Variants in RYR3 observed in about 807,000 individuals in gnomAD.
RYR3 encodes ryanodine receptor 3.
Under a neutral mutation model 584.3 loss-of-function variants are expected in RYR3, and 207 were observed. The ratio of observed to expected loss-of-function variants is 0.35; its 90% confidence interval spans 0.32 to 0.40. The LOEUF is 0.40. RYR3 is among the 10% of genes least tolerant of loss of function. The pLI, the probability that RYR3 is intolerant of heterozygous loss-of-function variation, is 1.00. For missense variants in RYR3, 5,616 were observed against 6,089.2 expected, an observed-to-expected ratio of 0.92 and a Z score of 2.59; for synonymous variants, 2,416 against 2,248.5, an observed-to-expected ratio of 1.07 and a Z score of -2.11.
intron 1 of RYR3, among the ~76,000 whole-genome samples, chr15:33,349,026 CT>C (rs77947685): frequency 0.079 from 11,825 of 150,384 alleles, 544 homozygotes; most frequent in Middle Eastern, 0.12. Flanking sequence ...CAGTAGGTAG[CT>C]TTTTCAGACT....
chr15:33,701,029 G>T lies in RYR3; in HGVS notation c.6432G>T (p.Val2144=), dbSNP rs1385755135. The T allele has an allele frequency of 6.2e-7, 1 of 1,613,472 alleles. No homozygotes were observed. Among genetic ancestry groups the T allele is most frequent in the Non-Finnish European group, 8.5e-7 (1 of 1,179,772 alleles). Residue 2144 remains valine (V), a synonymous_variant, in exon 42 of 104, where the codon GTG becomes GTT. Transcript: ENST00000634891. The part of the protein sequence containing the change: ...STPLDVAASS[V]MDNNELALSL... Reference sequence around the variant, plus strand: ...CGCTGGATGTGGCAGCTTCCTCTGTGATGGACAACAATGAGTTAGCGCTGA... The same window carrying T: ...CGCTGGATGTGGCAGCTTCCTCTGTTATGGACAACAATGAGTTAGCGCTGA...
chr15:33,813,027 C>T, intron 73 of RYR3, 33 bp downstream of exon 73: 1 of 1,613,042 alleles, frequency 6.2e-7, no homozygotes, highest in Non-Finnish European at 8.5e-7. Flanking sequence ...AATGGGGAAG[C>T]AGAAACACCC....
In RYR3 at chr15:33,562,861, A is replaced by G; in HGVS notation, c.997A>G (p.Ser333Gly). The G allele has an allele frequency of 1.2e-6, 2 of 1,612,996 alleles. No individual in the cohort carries two copies. Among genetic ancestry groups the G allele is most frequent in the Non-Finnish European group, 8.5e-7 (1 of 1,179,120 alleles). ...SKELKEKLDS[S>G]HKRDIEGMGV... ...GGAACTCAAGGAGAAATTAGACTCC[A>G]GTCACAAGCGAGACATAGAAGGCAT... is the stretch of plus-strand genomic sequence containing the variant. The change falls in exon 11 of 104, where the codon AGT becomes GGT. Residue 333 changes from serine to glycine, a missense_variant. Physicochemically the swap from Ser to Gly is moderately conservative, Grantham distance 56. This residue lies in a region of RYR3 where 1,284 missense variants were observed against 1,344.6 expected (regional missense o/e 0.95). Coordinates refer to ENST00000634891, the MANE Select transcript of RYR3 (RefSeq NM_001036.6).
At chr15:33,332,494 A>G (rs1446299898) in intron 1 of RYR3, among the ~76,000 whole-genome samples, 8 of 151,906 alleles carry the variant, frequency 5.3e-5, no homozygotes, top group Admixed American at 5.2e-4. Context: ...TAGAATACAT[A>G]CTATTTTTAA....
intron 85 of RYR3, among the ~76,000 whole-genome samples, chr15:33,830,070 C>T (rs1344478877): frequency 6.6e-6 from 1 of 152,044 alleles, no homozygotes; most frequent in African/African-American, 2.4e-5. Context: ...GTTGAAATGC[C>T]AAAAAGGGAT....
intron 1 of RYR3, among the ~76,000 whole-genome samples, chr15:33,371,937 T>A (rs2040362975): frequency 1.3e-5 from 2 of 152,228 alleles, no homozygotes; most frequent in South Asian, 4.1e-4. Flanking sequence ...CTTGTTTATC[T>A]GGCATTTCAG....
intron 1 of RYR3, among the ~76,000 whole-genome samples, chr15:33,348,458 C>G (rs1972756558): frequency 1.3e-5 from 2 of 152,016 alleles, no homozygotes; most frequent in Admixed American, 1.3e-4. Flanking sequence ...GTCTCCTGAC[C>G]TAAGTGATTT....
chr15:33,552,879 T>C (rs2056789346), intron 10 of RYR3, among the ~76,000 whole-genome samples: 1 of 152,204 alleles, frequency 6.6e-6, no homozygotes, highest in Admixed American at 6.5e-5. Flanking sequence ...TGGCACGGGC[T>C]TTCCTTAAAT....
chr15:33,774,674 G>A (rs2073869808), intron 64 of RYR3, among the ~76,000 whole-genome samples: 1 of 152,098 alleles, frequency 6.6e-6, no homozygotes, highest in Non-Finnish European at 1.5e-5. Context: ...AGAAATTGAG[G>A]AACTAATGGC....
chr15:33,698,047 A>G (rs2152767650), intron 40 of RYR3, 51 bp downstream of exon 40: 2 of 1,328,688 alleles, frequency 1.5e-6, no homozygotes, highest in African/African-American at 1.4e-5. Context: ...AGGCAGGAGC[A>G]CGAGGTGACT....
At chr15:33,859,485 A>C (rs2080105690) in intron 99 of RYR3, 90 bp from the exon 100 acceptor site, 1 of 1,478,756 alleles carries the variant, frequency 6.8e-7, no homozygotes, top group Non-Finnish European at 9.3e-7. Context: ...GGGCTGCCAC[A>C]ATCTGACCGA....
At chr15:33,822,801 T>C (rs2077178700) in intron 80 of RYR3, among the ~76,000 whole-genome samples, 195 bp from the exon 81 acceptor site, 1 of 152,248 alleles carries the variant, frequency 6.6e-6, no homozygotes, top group Non-Finnish European at 1.5e-5. Flanking sequence ...AGTAGGTCTA[T>C]GAATGTCAAT....
chr15:33,383,922 A>G (rs984535267), intron 1 of RYR3, among the ~76,000 whole-genome samples: 4 of 152,256 alleles, frequency 2.6e-5, no homozygotes, highest in South Asian at 4.1e-4. Flanking sequence ...ATGGAATGCT[A>G]TGCAGCCATA....
In RYR3 at chr15:33,585,971, A is replaced by G. The variant is rs372383913; in HGVS notation, c.1670-27A>G. ...ACTTCTGCAGGGCATTTAATGTCCA[A>G]ATTTGATGTTTGTGGCATTCATGTA... On this transcript the variant is annotated intron_variant, in intron 15 of 103. Coordinates refer to ENST00000634891, the MANE Select transcript of RYR3 (RefSeq NM_001036.6). 1.5e-5 allele frequency: 22 copies of G among 1,434,290 alleles called. No homozygotes were observed. The African/African-American group carries it at 2.8e-4, about 18-fold the overall frequency. 88.8% of individuals were successfully genotyped at this position (1,434,290 alleles called of 1,614,324 possible). A position where few individuals can be genotyped will look rare whatever the true frequency, so the allele number is the denominator to read the frequency against.
chr15:33,657,514 C>G (rs567029121), intron 32 of RYR3, among the ~76,000 whole-genome samples: 1 of 152,226 alleles, frequency 6.6e-6, no homozygotes, highest in Non-Finnish European at 1.5e-5. Context: ...TTTGAGAAAT[C>G]TGGGAGCCAG....
intron 67 of RYR3, among the ~76,000 whole-genome samples, chr15:33,791,741 G>C (rs1484773145): frequency 6.6e-6 from 1 of 152,192 alleles, no homozygotes; most frequent in African/African-American, 2.4e-5. Context: ...GTTTTGCAAA[G>C]TGAGTATAAC....
In RYR3 at chr15:33,826,233, GTT is replaced by G; in HGVS notation, c.11147-15_11147-14del. On this transcript the variant is annotated splice_polypyrimidine_tract_variant and intron_variant, in intron 82 of 103. Coordinates refer to ENST00000634891, the MANE Select transcript of RYR3 (RefSeq NM_001036.6). Reference sequence around the variant, plus strand: ...CAGTTTTCTTACTTTCTATTCTTCTGTTTTTCTCTCATTACCAGTCATTGTTC... The same window carrying G: ...CAGTTTTCTTACTTTCTATTCTTCTGTTTCTCTCATTACCAGTCATTGTTC... 1 of 1,613,138 alleles carries G rather than the reference GTT, an allele frequency of 6.2e-7. No individual in the cohort carries two copies. Among genetic ancestry groups the G allele is most frequent in the Non-Finnish European group, 8.5e-7 (1 of 1,179,222 alleles).
chr15:33,533,347 G>C lies in RYR3; in HGVS notation c.391G>C (p.Asp131His), dbSNP rs745791768. ...TCLTTSRSQTDKLAFDVGLRE... is the reference protein window; with the variant it reads ...TCLTTSRSQTHKLAFDVGLRE... The stretch of plus-strand genomic sequence containing the variant: ...CTTGACTACATCAAGATCCCAGACA[G>C]ACAAACTTGCCTTTGATGTAGGTCT... The change falls in exon 5 of 104, where the codon GAC becomes CAC. Residue 131 changes from aspartate (D) to histidine (H), a missense_variant. This residue lies in a region of RYR3 where 1,284 missense variants were observed against 1,344.6 expected (regional missense o/e 0.95). Coordinates refer to ENST00000634891, the MANE Select transcript of RYR3 (RefSeq NM_001036.6). 6.2e-7 allele frequency: 1 copy of C among 1,608,970 alleles called. No individual in the cohort carries two copies. Among genetic ancestry groups the C allele is most frequent in the South Asian group, 1.1e-5 (1 of 89,542 alleles).
intron 12 of RYR3, 85 bp from the exon 13 acceptor site, chr15:33,579,891 G>A (rs1042902802): frequency 9.8e-7 from 1 of 1,025,006 alleles, no homozygotes; most frequent in Non-Finnish European, 1.4e-6. Context: ...ACCGTGGGGG[G>A]CTGTTAGGAG....
Sources: allele counts gnomAD v4.1 joint callset (sites outside exome capture counted in the v4.1 genomes callset), GRCh38; gene constraint gnomAD v4.1.1; regional missense constraint gnomAD v4.1.1; transcripts MANE v1.5; gene names NCBI Gene and HGNC (gene_info 2026-07-23, HGNC 2026-07-21).